Variants in ABCA13 observed in about 807,000 individuals in gnomAD.
ABCA13 encodes ATP binding cassette subfamily A member 13.
ABCA13 carries 476 observed loss-of-function variants against 478.7 expected under a neutral mutation model. That is an observed-to-expected ratio of 0.99 (90% CI 0.92 to 1.07). The LOEUF (loss-of-function observed/expected upper bound fraction) is 1.07, where lower values mean the gene tolerates loss of function less well. Among genes scored for constraint, ABCA13 ranks in the 50% least tolerant of loss-of-function variants. The pLI is 0.00. For missense variants in ABCA13, 6,060 were observed against 5,910.6 expected (o/e 1.03, Z -0.83); for synonymous variants, 2,252 against 2,158.9 (o/e 1.04, Z -1.20).
chr7:48,543,073 C>T (rs1335901087), intron 55 of ABCA13, among the ~76,000 whole-genome samples: 2 of 151,654 alleles, frequency 1.3e-5, no homozygotes, highest in Non-Finnish European at 1.5e-5. Context: ...TTGGTATTTT[C>T]TATCCCTCAA....
At chr7:48,257,085 C>A (rs1421248054) in intron 15 of ABCA13, among the ~76,000 whole-genome samples, 1 of 151,886 alleles carries the variant, frequency 6.6e-6, no homozygotes, top group Non-Finnish European at 1.5e-5. Context: ...GAATGTGATT[C>A]TGTTCTTGAT....
chr7:48,341,835 T>C (rs1563084393), intron 29 of ABCA13, among the ~76,000 whole-genome samples: 2 of 79,686 alleles, frequency 2.5e-5, no homozygotes, highest in Non-Finnish European at 2.8e-5. Context: ...ATCTTTCTGA[T>C]ATATATATAT....
chr7:48,548,029 C>G (rs6972202), intron 55 of ABCA13, among the ~76,000 whole-genome samples: 21,289 of 151,780 alleles, frequency 0.14, 2,068 homozygotes, highest in African/African-American at 0.23. Context: ...CTGTCATCCA[C>G]GATGTCTTTT....
chr7:48,294,324 T>C (rs1799023014), intron 20 of ABCA13, among the ~76,000 whole-genome samples: 1 of 152,142 alleles, frequency 6.6e-6, no homozygotes, highest in Non-Finnish European at 1.5e-5. Flanking sequence ...TCTCTAGATG[T>C]GTTCATTCTA....
chr7:48,636,850 G>A lies in ABCA13; in HGVS notation c.14838-6438G>A, dbSNP rs147958152. On this transcript the variant is annotated intron_variant, in intron 59 of 61. Coordinates refer to ENST00000435803, the MANE Select transcript of ABCA13 (RefSeq NM_152701.5). Reference sequence around the variant, plus strand: ...AGTTGGAAAGTTCCAGGCACATTTCGGCCCAGAGTCACTTACCCAGAGCCT... The same window carrying A: ...AGTTGGAAAGTTCCAGGCACATTTCAGCCCAGAGTCACTTACCCAGAGCCT... Among the ~76,000 whole-genome samples, 61 of 152,160 alleles carry A rather than the reference G, an allele frequency of 4.0e-4. No homozygotes were observed. The East Asian group carries it at 0.01, about 26-fold the overall frequency.
In ABCA13 at chr7:48,248,360, G is replaced by C. The variant is rs762431896; in HGVS notation, c.1781G>C (p.Arg594Pro). The change falls in exon 14 of 62, where the codon CGG becomes CCG. Residue 594 changes from arginine (R) to proline (P), a missense_variant. Transcript: ENST00000435803. ...TCAGAAGCAAGCCTTTCCTGTACTC[G>C]GCTCTTCCTGCTGCTGGGAGCTGAT... ...QLSEASLSCTRLFLLLGADPS... is the reference protein window; with the variant it reads ...QLSEASLSCTPLFLLLGADPS... 1 of 1,613,694 alleles carries C rather than the reference G, an allele frequency of 6.2e-7. No individual in the cohort carries two copies.
chr7:48,616,791 T>C (rs1436121561), intron 59 of ABCA13, among the ~76,000 whole-genome samples: 1 of 152,158 alleles, frequency 6.6e-6, no homozygotes, highest in Non-Finnish European at 1.5e-5. Context: ...GAGGATGAAG[T>C]GGGAGGATCA....
At chr7:48,421,053 G>A (rs1419756956) in intron 41 of ABCA13, among the ~76,000 whole-genome samples, 2 of 152,154 alleles carry the variant, frequency 1.3e-5, no homozygotes, top group African/African-American at 4.8e-5. Flanking sequence ...CATATTCCAG[G>A]GGTGATGCTG....
chr7:48,297,649 T>C (rs1261630775), intron 22 of ABCA13, among the ~76,000 whole-genome samples: 3 of 152,236 alleles, frequency 2.0e-5, no homozygotes, highest in African/African-American at 2.4e-5. Flanking sequence ...ACATGCCATG[T>C]CTGAAGAATT....
At chr7:48,177,128 C>G (rs374854018) in intron 1 of ABCA13, among the ~76,000 whole-genome samples, 4 of 152,238 alleles carry the variant, frequency 2.6e-5, no homozygotes, top group East Asian at 3.9e-4. Flanking sequence ...AGATATCAAG[C>G]CTCAGAAGTA....
chr7:48,641,969 G>A (rs954901190), intron 59 of ABCA13, among the ~76,000 whole-genome samples: 2 of 152,198 alleles, frequency 1.3e-5, no homozygotes, highest in African/African-American at 4.8e-5. Context: ...CAATGTGTTG[G>A]CCTTTAACAA....
intron 55 of ABCA13, among the ~76,000 whole-genome samples, chr7:48,539,856 C>A (rs17132446): frequency 0.044 from 6,726 of 152,260 alleles, 157 homozygotes; most frequent in South Asian, 0.086. Flanking sequence ...AAATTGCAGA[C>A]CTGAAATCAA....
chr7:48,403,166 T>A (rs903132928), intron 38 of ABCA13, among the ~76,000 whole-genome samples: 6 of 152,180 alleles, frequency 3.9e-5, no homozygotes, highest in Non-Finnish European at 8.8e-5. Context: ...AAATGATAAT[T>A]TATACTTTGC....
intron 1 of ABCA13, among the ~76,000 whole-genome samples, chr7:48,184,453 C>T (rs140670835): frequency 0.92 from 140,306 of 151,998 alleles, 65,510 homozygotes; most frequent in Non-Finnish European, 0.99. Flanking sequence ...TTGTTTATGA[C>T]TTTCGTGTCT....
chr7:48,421,499 T>TTG (rs1820735512), intron 41 of ABCA13, among the ~76,000 whole-genome samples: 1 of 152,228 alleles, frequency 6.6e-6, no homozygotes, highest in Non-Finnish European at 1.5e-5. Context: ...GCTCATGTCA[T>TTG]ACCAAGTTGA....
intron 41 of ABCA13, among the ~76,000 whole-genome samples, chr7:48,414,604 A>G (rs1019038938): frequency 1.3e-5 from 2 of 150,448 alleles, no homozygotes; most frequent in African/African-American, 4.9e-5. Flanking sequence ...ATACATATAC[A>G]TATATTACAT....
intron 13 of ABCA13, among the ~76,000 whole-genome samples, 152 bp downstream of exon 13, chr7:48,246,182 C>G (rs972988944): frequency 6.6e-6 from 1 of 152,182 alleles, no homozygotes; most frequent in Non-Finnish European, 1.5e-5. Context: ...CTCCAGCTGC[C>G]CTTCAATGCT....
chr7:48,389,693 A>G (rs1394688151), intron 37 of ABCA13, among the ~76,000 whole-genome samples: 1 of 152,106 alleles, frequency 6.6e-6, no homozygotes, highest in East Asian at 1.9e-4. Context: ...TTAAGGGTAG[A>G]TGTTTGGTTT....
chr7:48,555,573 G>A (rs1455542953), intron 55 of ABCA13, among the ~76,000 whole-genome samples: 1 of 151,742 alleles, frequency 6.6e-6, no homozygotes, highest in Non-Finnish European at 1.5e-5. Context: ...TATGTGTCTA[G>A]GAATTTATCC....
Sources: allele counts gnomAD v4.1 joint callset (sites outside exome capture counted in the v4.1 genomes callset), GRCh38; gene constraint gnomAD v4.1.1; transcripts MANE v1.5; gene names NCBI Gene and HGNC (gene_info 2026-07-23, HGNC 2026-07-21).